Variants in ITCH observed in about 807,000 individuals in gnomAD.
The protein encoded by ITCH is itchy E3 ubiquitin protein ligase.
Under a neutral mutation model 126.8 loss-of-function variants are expected in ITCH, and 28 were observed. The observed-to-expected ratio is 0.22, with a 90% CI of 0.16 to 0.30. The LOEUF is 0.30. Among genes scored for constraint, ITCH ranks in the 10% least tolerant of loss-of-function variants. ITCH has a pLI of 1.00. For missense variants in ITCH, 631 were observed against 1,032.4 expected, an observed-to-expected ratio of 0.61 and a Z score of 5.33; for synonymous variants, 342 against 340.0, an observed-to-expected ratio of 1.01 and a Z score of -0.06.
chr20:34,446,469 C>G (rs1458233304), intron 11 of ITCH, among the ~76,000 whole-genome samples: 1 of 152,148 alleles, frequency 6.6e-6, no homozygotes, highest in Admixed American at 6.5e-5. Context: ...TCACCTTTAT[C>G]AGCAGCCTTC....
intron 9 of ITCH, among the ~76,000 whole-genome samples, chr20:34,441,240 C>G (rs921946631): frequency 5.3e-5 from 8 of 151,994 alleles, no homozygotes; most frequent in Non-Finnish European, 1.2e-4. Context: ...CCACTGCACT[C>G]CAGCCTGGGC....
chr20:34,411,080 A>G (rs185797798), intron 4 of ITCH, among the ~76,000 whole-genome samples: 173 of 152,290 alleles, frequency 1.1e-3, no homozygotes, highest in African/African-American at 4.0e-3. Context: ...AGTATACTTT[A>G]TGTACCTTTC....
At chr20:34,378,751 T>G (rs2037944110) in intron 2 of ITCH, among the ~76,000 whole-genome samples, 1 of 152,162 alleles carries the variant, frequency 6.6e-6, no homozygotes, top group South Asian at 2.1e-4. Flanking sequence ...GTTCATTTAA[T>G]TATAGCTGTT....
At chr20:34,460,915 G>A (rs533894966) in intron 13 of ITCH, among the ~76,000 whole-genome samples, 1 of 152,244 alleles carries the variant, frequency 6.6e-6, no homozygotes, top group East Asian at 1.9e-4. Context: ...TAGCTACTAG[G>A]GAGGCTGAGG....
chr20:34,396,447 T>C (rs2146086436), intron 3 of ITCH, among the ~76,000 whole-genome samples: 1 of 152,192 alleles, frequency 6.6e-6, no homozygotes, highest in South Asian at 2.1e-4. Flanking sequence ...GCCATTCTAG[T>C]GGGTGTGAAG....
chr20:34,363,713 A>G (rs1200623027), intron 1 of ITCH, among the ~76,000 whole-genome samples: 2 of 151,902 alleles, frequency 1.3e-5, no homozygotes, highest in Non-Finnish European at 2.9e-5. Context: ...GGTTCGGCCT[A>G]CGCGCGGGGC....
chr20:34,405,307 C>G (rs866525222), intron 3 of ITCH, among the ~76,000 whole-genome samples: 1 of 152,242 alleles, frequency 6.6e-6, no homozygotes, highest in South Asian at 2.1e-4. Context: ...GAGTTTGACA[C>G]CAGCCTGACC....
In ITCH at chr20:34,504,422, G is replaced by A. The variant is rs1359662679; in HGVS notation, c.2489+19G>A. On this transcript the variant is annotated intron_variant, in intron 24 of 24. Transcript: ENST00000374864. Reference sequence around the variant, plus strand: ...ATACCTGGTAAGTACAATCAGAATGGATAGAGAAAACAGCTTTTGTCCAGT... The same window carrying A: ...ATACCTGGTAAGTACAATCAGAATGAATAGAGAAAACAGCTTTTGTCCAGT... 2 of 1,536,906 alleles carry A rather than the reference G, an allele frequency of 1.3e-6. No homozygotes were observed. The highest frequency in any genetic ancestry group is 2.7e-5 in the African/African-American group (2 of 73,432).
intron 2 of ITCH, among the ~76,000 whole-genome samples, chr20:34,371,267 A>C (rs1205431676): frequency 6.6e-6 from 1 of 151,190 alleles, no homozygotes; most frequent in Admixed American, 6.6e-5. Flanking sequence ...AAAGGAAATA[A>C]AATCACTTCT....
intron 7 of ITCH, among the ~76,000 whole-genome samples, chr20:34,426,924 G>A (rs1407371525): frequency 5.3e-5 from 8 of 151,822 alleles, no homozygotes; most frequent in African/African-American, 9.7e-5. Flanking sequence ...ACAGGCACCC[G>A]CCACGATGCC....
intron 16 of ITCH, among the ~76,000 whole-genome samples, chr20:34,473,305 G>C (rs535122123): frequency 6.6e-6 from 1 of 151,350 alleles, no homozygotes; most frequent in East Asian, 1.9e-4. Context: ...TTGTTAAAAG[G>C]AATTTTTTTT....
chr20:34,493,676 T>A (rs559717762), intron 23 of ITCH, among the ~76,000 whole-genome samples: 1 of 152,160 alleles, frequency 6.6e-6, no homozygotes, highest in South Asian at 2.1e-4. Flanking sequence ...TGCATCGTTG[T>A]AGATGTTGGG....
chr20:34,418,757 C>CTTTTTTTTTTTTTTTTTTTTTTTTTTCTT (rs373974620), intron 6 of ITCH, among the ~76,000 whole-genome samples: 1 of 116,534 alleles, frequency 8.6e-6, no homozygotes, highest in Admixed American at 1.1e-4. Flanking sequence ...TCTTTTTTTC[C>CTTTTTTTTTTTTTTTTTTTTTTTTTTCTT]TTTTTTTTTT....
intron 12 of ITCH, chr20:34,450,809 G>A (rs1045078756): frequency 4.6e-5 from 7 of 152,166 alleles, no homozygotes; most frequent in African/African-American, 1.7e-4. Context: ...ATGTTGGTGT[G>A]TCAAGATCAC....
At chr20:34,419,598 C>A (rs1980468622) in intron 6 of ITCH, among the ~76,000 whole-genome samples, 1 of 152,082 alleles carries the variant, frequency 6.6e-6, no homozygotes, top group Non-Finnish European at 1.5e-5. Context: ...CCTGCCTCAG[C>A]CTCCCGAGTA....
At chr20:34,399,863 C>T (rs1351145211) in intron 3 of ITCH, among the ~76,000 whole-genome samples, 7 of 152,048 alleles carry the variant, frequency 4.6e-5, no homozygotes, top group African/African-American at 1.7e-4. Context: ...TGAAGCAATC[C>T]TCTCTCCTCA....
At chr20:34,426,766 G>GT (rs1169700624) in intron 7 of ITCH, among the ~76,000 whole-genome samples, 3 of 147,226 alleles carry the variant, frequency 2.0e-5, no homozygotes, top group Non-Finnish European at 4.5e-5. Context: ...ATATATGGAA[G>GT]TTTTTTGGTT....
At chr20:34,421,594 TTTGTTG>T (rs35405455) in intron 6 of ITCH, among the ~76,000 whole-genome samples, 24 of 151,634 alleles carry the variant, frequency 1.6e-4, no homozygotes, top group South Asian at 4.2e-4. Context: ...GTGTTAGATT[TTTGTTG>T]TTGTTGTTGT....
At chr20:34,481,287 A>AC in intron 20 of ITCH, 81 bp downstream of exon 20, 14 of 1,355,826 alleles carry the variant, frequency 1.0e-5, no homozygotes, top group Non-Finnish European at 1.5e-5. Context: ...AATGGAGAGT[A>AC]TCTCCAAAAA....
Sources: gnomAD v4.1 joint callset for allele counts (sites outside exome capture counted in the v4.1 genomes callset) on GRCh38, gnomAD v4.1.1 for gene constraint, MANE v1.5 for transcripts, NCBI Gene and HGNC (gene_info 2026-07-23, HGNC 2026-07-21) for gene names.